Variants in CENPC observed in about 807,000 individuals in gnomAD.
The protein encoded by CENPC is centromere protein C, also known as CENP-C 1.
In CENPC, 63 loss-of-function variants were observed where a neutral mutation model predicts 112.1. The ratio of observed to expected loss-of-function variants is 0.56; its 90% CI spans 0.46 to 0.69. The LOEUF is 0.69. Ranked by LOEUF, CENPC falls within the 30% of genes least tolerant of loss-of-function variation. The pLI, the probability that CENPC is intolerant of heterozygous loss-of-function variation, is 0.00. For synonymous variants in CENPC, 333 were observed against 367.6 expected (o/e 0.91, Z 1.08); for missense variants, 1,000 against 1,103.8 (o/e 0.91, Z 1.33).
chr4:67,497,377 TA>T (rs1300936411), intron 12 of CENPC, among the ~76,000 whole-genome samples: 1 of 151,378 alleles, frequency 6.6e-6, no homozygotes, highest in Non-Finnish European at 1.5e-5. Flanking sequence ...CACTCCGTCT[TA>T]AAAAAAAATT....
At chr4:67,484,771 C>G (rs1725048002) in intron 17 of CENPC, among the ~76,000 whole-genome samples, 1 of 152,104 alleles carries the variant, frequency 6.6e-6, no homozygotes, top group Admixed American at 6.5e-5. Context: ...ATTCTACAGC[C>G]ACTGTAAAGA....
chr4:67,537,082 G>A (rs1481135969), intron 4 of CENPC, among the ~76,000 whole-genome samples: 3 of 146,920 alleles, frequency 2.0e-5, no homozygotes, highest in Admixed American at 2.0e-4. Context: ...GAATAAAAAA[G>A]GGGATATAAC....
chr4:67,515,738 A>G (rs190680542), intron 7 of CENPC, among the ~76,000 whole-genome samples: 23 of 152,080 alleles, frequency 1.5e-4, no homozygotes, highest in Admixed American at 1.4e-3. Flanking sequence ...ATATATTTTC[A>G]TATTATAATC....
chr4:67,494,719 G>A (rs1172393031), intron 13 of CENPC, among the ~76,000 whole-genome samples: 1 of 152,204 alleles, frequency 6.6e-6, no homozygotes, highest in African/African-American at 2.4e-5. Flanking sequence ...ACCATGGATT[G>A]TTAATCTTTA....
chr4:67,516,744 G>A (rs1726068677), intron 7 of CENPC, among the ~76,000 whole-genome samples: 1 of 151,992 alleles, frequency 6.6e-6, no homozygotes, highest in South Asian at 2.1e-4. Context: ...GTTTACAATA[G>A]GGAAAGATGG....
At chr4:67,524,630 CG>C (rs1475737085) in intron 5 of CENPC, among the ~76,000 whole-genome samples, 1 of 151,978 alleles carries the variant, frequency 6.6e-6, no homozygotes, top group Non-Finnish European at 1.5e-5. Context: ...TTACAAGGGA[CG>C]TGAGGGACCT....
At chr4:67,499,400 G>C (rs1211170900) in intron 12 of CENPC, among the ~76,000 whole-genome samples, 1 of 152,156 alleles carries the variant, frequency 6.6e-6, no homozygotes. Context: ...TAGATTTTCT[G>C]GATAACTTGC....
At chr4:67,480,762 CCCT>C (rs1724935034) in intron 17 of CENPC, among the ~76,000 whole-genome samples, 1 of 152,152 alleles carries the variant, frequency 6.6e-6, no homozygotes, top group African/African-American at 2.4e-5. Context: ...ATGATTAAAA[CCCT>C]CAGCAAAATC....
intron 5 of CENPC, among the ~76,000 whole-genome samples, chr4:67,530,385 T>G (rs1726510754): frequency 6.6e-6 from 1 of 151,226 alleles, no homozygotes; most frequent in South Asian, 2.1e-4. Context: ...TAGCCTTTTC[T>G]GAAAGCAGGT....
At chr4:67,532,764 G>A (rs1420735745) in intron 4 of CENPC, among the ~76,000 whole-genome samples, 2 of 151,674 alleles carry the variant, frequency 1.3e-5, no homozygotes, top group African/African-American at 2.4e-5. Flanking sequence ...GGGGGAGGGG[G>A]GAAGGATAGC....
chr4:67,519,578 T>C (rs1317643555), intron 5 of CENPC, 76 bp from the exon 6 acceptor site: 14 of 980,010 alleles, frequency 1.4e-5, no homozygotes, highest in Non-Finnish European at 1.8e-5. Context: ...TTAAAAATTC[T>C]GCAATAATTT....
At position 67,471,523 on chromosome 4, in the gene CENPC, A is replaced by G. The variant is rs1224829396; in HGVS notation, c.*1082T>C. On this transcript the variant is annotated 3_prime_UTR_variant, in exon 19 of 19. Transcript: ENST00000273853. ...ATAAGACTTCATAACAAATATATTCAAAGAAATAAAAGTAAAAAAAAAATT... is the reference window on the plus strand; with the variant it reads ...ATAAGACTTCATAACAAATATATTCGAAGAAATAAAAGTAAAAAAAAAATT... 1 of 152,116 alleles carries G rather than the reference A, an allele frequency of 6.6e-6. No homozygotes were observed. Among genetic ancestry groups the G allele is most frequent in the Non-Finnish European group, 1.5e-5 (1 of 68,016 alleles). 9.4% of individuals were successfully genotyped at this position (152,116 alleles called of 1,614,324 possible).
In CENPC at chr4:67,471,497, A is replaced by G. The variant is rs1189070146; in HGVS notation, c.*1108T>C. On this transcript the variant is annotated 3_prime_UTR_variant, in exon 19 of 19. Transcript: ENST00000273853. Reference sequence around the variant, plus strand: ...CAGATACTTGATTAGTCAAGCCTTCAATAAGACTTCATAACAAATATATTC... The same window carrying G: ...CAGATACTTGATTAGTCAAGCCTTCGATAAGACTTCATAACAAATATATTC... 6.6e-6 allele frequency: 1 copy of G among 152,298 alleles called. No homozygotes were observed. The highest frequency in any genetic ancestry group is 1.9e-4 in the East Asian group (1 of 5,190). The allele number at this position is 152,298 out of a possible 1,614,324, so 9.4% of individuals were successfully genotyped here. A position where few individuals can be genotyped will look rare whatever the true frequency, so the allele number is the denominator to read the frequency against.
chr4:67,509,207 T>TACACACACACACACACAC (rs36207189), intron 9 of CENPC, 102 bp from the exon 10 acceptor site: 21 of 486,012 alleles, frequency 4.3e-5, no homozygotes, highest in African/African-American at 2.3e-4. Flanking sequence ...CATATACACA[T>TACACACACACACACACAC]ACACACACAC....
intron 5 of CENPC, among the ~76,000 whole-genome samples, chr4:67,521,101 T>G (rs1011973423): frequency 6.6e-6 from 1 of 151,340 alleles, no homozygotes; most frequent in African/African-American, 2.4e-5. Flanking sequence ...GGCAACTATG[T>G]GCTGTAACAA....
intron 5 of CENPC, 32 bp from the exon 6 acceptor site, chr4:67,519,534 A>G: frequency 9.0e-6 from 12 of 1,329,316 alleles, no homozygotes; most frequent in Non-Finnish European, 1.2e-5. Context: ...ATATTTGTCA[A>G]TTAAAAGAAT....
At position 67,540,400 on chromosome 4, in the gene CENPC, G is replaced by A. The variant is rs6839682; in HGVS notation, c.137-466C>T. On this transcript the variant is annotated intron_variant, in intron 3 of 18. Coordinates refer to ENST00000273853, the MANE Select transcript of CENPC (RefSeq NM_001812.4). ...TATATTTTTTCTGGCTAGATGCAGT[G>A]GCTTATGCCTGTAATCCCAACACTT... 3.0e-3 allele frequency among the ~76,000 whole-genome samples: 459 copies of A among 152,248 alleles called. 2 individuals carry two copies. The highest frequency in any genetic ancestry group is 0.01 in the African/African-American group (419 of 41,542).
rs1314010301 is a variant in CENPC, at chr4:67,469,848, T to C, written c.*2757A>G. 1 of 152,128 alleles carries C rather than the reference T, an allele frequency of 6.6e-6. No homozygotes were observed. Among genetic ancestry groups the C allele is most frequent in the Admixed American group, 6.5e-5 (1 of 15,286 alleles). The allele number at this position is 152,128 out of a possible 1,614,324, so 9.4% of individuals were successfully genotyped here. On this transcript the variant is annotated 3_prime_UTR_variant, in exon 19 of 19. Coordinates refer to ENST00000273853, the MANE Select transcript of CENPC (RefSeq NM_001812.4). ...CAGAAAGATCACAATTTAGGGCTGT[T>C]GAGAAAACTGAATTGTGATGCAGGG...
intron 12 of CENPC, among the ~76,000 whole-genome samples, chr4:67,499,713 A>G (rs1013665902): frequency 1.3e-5 from 2 of 152,086 alleles, no homozygotes; most frequent in African/African-American, 4.8e-5. Flanking sequence ...CTTTTCCTTC[A>G]AGAACTTTTC....
Sources: allele counts gnomAD v4.1 joint callset (sites outside exome capture counted in the v4.1 genomes callset), GRCh38; gene constraint gnomAD v4.1.1; transcripts MANE v1.5; gene names NCBI Gene and HGNC (gene_info 2026-07-23, HGNC 2026-07-21).